Variants in SEC24D observed in about 807,000 individuals in gnomAD.
The protein encoded by SEC24D is protein transport protein Sec24D.
A neutral mutation model predicts 116.9 loss-of-function variants in SEC24D; 69 were observed. The ratio of observed to expected loss-of-function variants is 0.59; its 90% confidence interval spans 0.49 to 0.72. The LOEUF is 0.72. Ranked by LOEUF, SEC24D falls within the 30% of genes least tolerant of loss-of-function variation. The pLI is 0.00. For synonymous variants in SEC24D, 405 were observed against 442.8 expected (o/e 0.91, Z 1.07); for missense variants, 1,131 against 1,264.1 (o/e 0.89, Z 1.60).
intron 8 of SEC24D, among the ~76,000 whole-genome samples, chr4:118,795,540 G>A (rs543085602): frequency 3.3e-5 from 5 of 151,922 alleles, no homozygotes; most frequent in East Asian, 1.9e-4. Context: ...AAGGTGTGGC[G>A]GTATGCTCAT....
chr4:118,804,671 T>C (rs954449845), intron 7 of SEC24D, among the ~76,000 whole-genome samples: 5 of 152,090 alleles, frequency 3.3e-5, no homozygotes, highest in East Asian at 1.9e-4. Flanking sequence ...ATCTAACTAG[T>C]TGGAATGAGT....
intron 8 of SEC24D, among the ~76,000 whole-genome samples, chr4:118,777,706 A>G (rs991430324): frequency 2.6e-5 from 4 of 152,228 alleles, no homozygotes; most frequent in Non-Finnish European, 4.4e-5. Flanking sequence ...ACAATGGTTG[A>G]ACTAGTTTAC....
At chr4:118,753,021 G>A (rs1004333211) in intron 11 of SEC24D, 133 bp from the exon 12 acceptor site, 3 of 628,540 alleles carry the variant, frequency 4.8e-6, no homozygotes, top group Non-Finnish European at 7.6e-6. Context: ...CTTACTTTCT[G>A]TTACCAAGTG....
chr4:118,744,028 T>G lies in SEC24D; in HGVS notation c.1955A>C (p.Gln652Pro). Residue 652 changes from glutamine (Q) to proline (P), a missense_variant, in exon 15 of 23, where the codon CAG becomes CCG. Physicochemically the swap from Gln to Pro is moderately conservative, Grantham distance 76 (BLOSUM62 -1). Transcript: ENST00000280551. ...TTTGTAAAGGGTTCCTCCAGTGAGC[T>G]GAGGAACCAGCCCCAGCGAGGCCAC... ...VDVASLGLVP[Q>P]LTGGTLYKYN... 6.2e-7 allele frequency: 1 copy of G among 1,611,938 alleles called. No homozygotes were observed. Among genetic ancestry groups the G allele is most frequent in the Non-Finnish European group, 8.5e-7 (1 of 1,179,264 alleles).
intron 15 of SEC24D, 133 bp from the exon 16 acceptor site, chr4:118,741,170 T>C (rs893671970): frequency 1.4e-5 from 7 of 497,248 alleles, no homozygotes; most frequent in African/African-American, 1.4e-4. Flanking sequence ...TTATATATTA[T>C]GCTTCTTTGG....
Position 118,723,488 on chromosome 4 carries a change from G to C in SEC24D, c.*27C>G. The stretch of plus-strand genomic sequence containing the variant: ...AGAAGGAGATTATCTCCTTGGAAAT[G>C]CAACATCAATGACAGAGAAGTTTCA... On this transcript the variant is annotated 3_prime_UTR_variant, in exon 23 of 23. Coordinates refer to ENST00000280551, the MANE Select transcript of SEC24D (RefSeq NM_014822.4). 6.3e-7 allele frequency: 1 copy of C among 1,594,140 alleles called. No homozygotes were observed. Among genetic ancestry groups the C allele is most frequent in the Non-Finnish European group, 8.5e-7 (1 of 1,171,194 alleles).
At chr4:118,804,753 T>C (rs1225082849) in intron 7 of SEC24D, among the ~76,000 whole-genome samples, 8 of 152,208 alleles carry the variant, frequency 5.3e-5, no homozygotes, top group African/African-American at 1.9e-4. Context: ...GGAAAAATTA[T>C]TTTTAGAATA....
chr4:118,745,325 T>C (rs568602004), intron 13 of SEC24D, among the ~76,000 whole-genome samples: 2 of 152,300 alleles, frequency 1.3e-5, no homozygotes, highest in South Asian at 4.1e-4. Flanking sequence ...CTGTGTATCA[T>C]AACACTTTAA....
intron 8 of SEC24D, among the ~76,000 whole-genome samples, chr4:118,787,505 T>G (rs1230522047): frequency 6.6e-6 from 1 of 152,206 alleles, no homozygotes. Context: ...CCAATCTTCA[T>G]GTGTTCTTTT....
intron 6 of SEC24D, among the ~76,000 whole-genome samples, chr4:118,814,799 A>G (rs1237500217): frequency 1.3e-5 from 2 of 152,192 alleles, no homozygotes; most frequent in Non-Finnish European, 2.9e-5. Flanking sequence ...AAAAAAAGAA[A>G]AAAAAAATCA....
rs1730197376 is a variant in SEC24D at position 118,817,396 on chromosome 4, G to A, written c.265C>T (p.Pro89Ser). 2.5e-6 allele frequency: 4 copies of A among 1,606,970 alleles called. No individual in the cohort carries two copies. The African/African-American group carries it at 4.0e-5, about 16-fold the overall frequency. ...TGTGAGGATGCCACATTGTTGACAGGTGGAGGGCCTGGAAATCTGAGAGAG... is the reference window on the plus strand; with the variant it reads ...TGTGAGGATGCCACATTGTTGACAGATGGAGGGCCTGGAAATCTGAGAGAG... ...HPPQRFPGPPPVNNVASSHAP... is the reference protein window; with the variant it reads ...HPPQRFPGPPSVNNVASSHAP... The change falls in exon 4 of 23, where the codon CCT (proline) becomes TCT (serine). Residue 89 changes from proline to serine, a missense_variant. Transcript: ENST00000280551.
At chr4:118,828,331 G>C (rs1417651641) in intron 2 of SEC24D, among the ~76,000 whole-genome samples, 1 of 152,068 alleles carries the variant, frequency 6.6e-6, no homozygotes, top group African/African-American at 2.4e-5. Flanking sequence ...GGGTGGTCTT[G>C]ATCTCCTGAC....
intron 6 of SEC24D, among the ~76,000 whole-genome samples, chr4:118,806,191 T>G (rs564850411): frequency 6.6e-6 from 1 of 152,296 alleles, no homozygotes; most frequent in African/African-American, 2.4e-5. Flanking sequence ...GTTAAAATGG[T>G]TACAATTTTA....
At chr4:118,732,055 G>A (rs1725716399) in intron 20 of SEC24D, among the ~76,000 whole-genome samples, 1 of 146,704 alleles carries the variant, frequency 6.8e-6, no homozygotes, top group African/African-American at 2.5e-5. Flanking sequence ...GGAGGGCGGG[G>A]CACACAGCAC....
intron 19 of SEC24D, among the ~76,000 whole-genome samples, chr4:118,733,798 T>C (rs1295226784): frequency 6.6e-6 from 1 of 152,078 alleles, no homozygotes; most frequent in East Asian, 1.9e-4. Context: ...CCCTAATTCA[T>C]TTATTTCTTT....
intron 19 of SEC24D, among the ~76,000 whole-genome samples, chr4:118,737,831 GTATTTA>G (rs952979262): frequency 2.6e-5 from 4 of 151,860 alleles, no homozygotes; most frequent in African/African-American, 7.3e-5. Context: ...AAGAATTCCT[GTATTTA>G]TATTTATAAA....
chr4:118,828,505 A>G (rs1730687445), intron 2 of SEC24D, among the ~76,000 whole-genome samples: 1 of 152,156 alleles, frequency 6.6e-6, no homozygotes. Flanking sequence ...TGTTTGGGAC[A>G]TTTTTGGTTG....
rs192302968 is a variant in SEC24D, at chr4:118,779,451, G to A, written c.1042-11140C>T. ...ACAAGCCTTGCATCCCAGGGATGAAGCTGACTTGAATGTGGTGGATAAGCT... is the reference window on the plus strand; with the variant it reads ...ACAAGCCTTGCATCCCAGGGATGAAACTGACTTGAATGTGGTGGATAAGCT... On this transcript the variant is annotated intron_variant, in intron 8 of 22. Coordinates refer to ENST00000280551, the MANE Select transcript of SEC24D (RefSeq NM_014822.4). Among the ~76,000 whole-genome samples, 498 of 152,344 alleles carry A rather than the reference G, an allele frequency of 3.3e-3. 2 individuals are homozygous for A. Among genetic ancestry groups the A allele is most frequent in the African/African-American group, 0.011 (469 of 41,572 alleles).
chr4:118,752,411 T>C (rs534611020), intron 12 of SEC24D, among the ~76,000 whole-genome samples: 13 of 152,158 alleles, frequency 8.5e-5, no homozygotes, highest in Non-Finnish European at 1.8e-4. Flanking sequence ...CATCCATATA[T>C]AGGAAATAGC....
Sources: allele counts gnomAD v4.1 joint callset (sites outside exome capture counted in the v4.1 genomes callset), GRCh38; gene constraint gnomAD v4.1.1; transcripts MANE v1.5; gene names NCBI Gene and HGNC (gene_info 2026-07-23, HGNC 2026-07-21).